The following FAT3 variants were observed in gnomAD, a reference collection of about 807,000 sequenced individuals.
The protein encoded by FAT3 is FAT atypical cadherin 3.
FAT3 carries 95 observed loss-of-function variants against 310.2 expected under a neutral mutation model. The observed-to-expected ratio is 0.31, with a 90% CI of 0.26 to 0.36. The LOEUF is 0.36. Among genes scored for constraint, FAT3 ranks in the 10% least tolerant of loss-of-function variants. The probability of loss-of-function intolerance (pLI) is 1.00; values close to 1 mark genes in which losing one functional copy is unlikely to be tolerated. For synonymous variants in FAT3, 2,314 were observed against 2,192.9 expected (o/e 1.06, Z -1.54); for missense variants, 5,408 against 5,715.6 (o/e 0.95, Z 1.74).
intron 4 of FAT3, among the ~76,000 whole-genome samples, chr11:92,719,842 C>T (rs1417621441): frequency 6.6e-6 from 1 of 151,420 alleles, no homozygotes; most frequent in Non-Finnish European, 1.5e-5. Flanking sequence ...TAAATGGATG[C>T]TTGCACACTG....
chr11:92,520,430 A>G (rs767067082), intron 2 of FAT3, among the ~76,000 whole-genome samples: 3 of 152,076 alleles, frequency 2.0e-5, no homozygotes, highest in Non-Finnish European at 4.4e-5. Context: ...GTTTCATGAA[A>G]ATCAAAACTT....
chr11:92,623,537 A>G (rs1941186122), intron 3 of FAT3, among the ~76,000 whole-genome samples: 1 of 152,352 alleles, frequency 6.6e-6, no homozygotes, highest in South Asian at 2.1e-4. Flanking sequence ...ATGTTATATG[A>G]AAGCAAGATA....
intron 4 of FAT3, among the ~76,000 whole-genome samples, chr11:92,755,314 C>T (rs1232706031): frequency 6.6e-6 from 1 of 152,138 alleles, no homozygotes; most frequent in African/African-American, 2.4e-5. Context: ...CCACTGCCTC[C>T]TGGGTTCAAG....
chr11:92,315,477 GTGTATATATA>G (rs1342125703), intron 1 of FAT3, among the ~76,000 whole-genome samples: 218 of 81,526 alleles, frequency 2.7e-3, no homozygotes, highest in African/African-American at 6.0e-3. Context: ...GTGTGTGTGT[GTGTATATATA>G]TATATATATA....
At chr11:92,790,296 A>G (rs1947007244) in intron 8 of FAT3, 78 bp downstream of exon 8, 37 of 1,426,936 alleles carry the variant, frequency 2.6e-5, no homozygotes, top group Non-Finnish European at 3.3e-5. Flanking sequence ...TCAGAAGTAT[A>G]GGGCCCCTAA....
At chr11:92,758,762 G>A (rs970585591) in intron 4 of FAT3, among the ~76,000 whole-genome samples, 7 of 152,310 alleles carry the variant, frequency 4.6e-5, no homozygotes, top group African/African-American at 1.7e-4. Context: ...ATAGGGCAGT[G>A]TGACAGAAGA....
At chr11:92,363,214 C>T (rs1948924930) in intron 2 of FAT3, among the ~76,000 whole-genome samples, 1 of 152,144 alleles carries the variant, frequency 6.6e-6, no homozygotes, top group Non-Finnish European at 1.5e-5. Flanking sequence ...AAGAACTGTT[C>T]ACTAGCTGCC....
chr11:92,381,380 G>A (rs149231996), intron 2 of FAT3, among the ~76,000 whole-genome samples: 92 of 152,246 alleles, frequency 6.0e-4, no homozygotes, highest in African/African-American at 2.1e-3. Flanking sequence ...GGGTATGGTG[G>A]CATATACCTG....
rs529142723 is a variant in FAT3, at chr11:92,831,902, A to G, written c.9762A>G (p.Gln3254=). The change falls in exon 14 of 28, where the codon CAA becomes CAG. Residue 3254 remains glutamine (Q), a synonymous_variant. Coordinates refer to ENST00000525166, the MANE Select transcript of FAT3 (RefSeq NM_001367949.2). ...CTGAGGACACCTCCCCTGGCACCCA[A>G]GTCCTTGCTGTTTTTGCCACCAGCA... ...TVPEDTSPGT[Q]VLAVFATSKD... 1 of 1,611,856 alleles carries G rather than the reference A, an allele frequency of 6.2e-7. No individual in the cohort carries two copies. Among genetic ancestry groups the G allele is most frequent in the South Asian group, 1.1e-5 (1 of 90,458 alleles).
chr11:92,577,111 A>G (rs502756), intron 3 of FAT3, among the ~76,000 whole-genome samples: 112,608 of 151,692 alleles, frequency 0.74, 44,031 homozygotes, highest in Non-Finnish European at 0.88. Flanking sequence ...TTTTATTTTT[A>G]TTTATTTATT....
At position 92,558,355 on chromosome 11, in the gene FAT3, G is replaced by A. The variant is rs1955094657; in HGVS notation, c.3607+33407G>A. Among the ~76,000 whole-genome samples the A allele has an allele frequency of 2.6e-5, 4 of 151,812 alleles. No individual in the cohort carries two copies. In the South Asian group the frequency reaches 8.3e-4, roughly 31 times the overall value. ...TTTTCAAGTGGTCTCAGAAGCCAAA[G>A]TGTGAGTGTGGTATGTGATAGATTC... On this transcript the variant is annotated intron_variant, in intron 3 of 27. Coordinates refer to ENST00000525166, the MANE Select transcript of FAT3 (RefSeq NM_001367949.2).
intron 13 of FAT3, among the ~76,000 whole-genome samples, chr11:92,822,304 G>A (rs1488159271): frequency 6.6e-6 from 1 of 151,142 alleles, no homozygotes; most frequent in South Asian, 2.1e-4. Context: ...ATTTGTAGAC[G>A]CCACAGGTTG....
chr11:92,616,048 C>T (rs1940788696), intron 3 of FAT3, among the ~76,000 whole-genome samples: 1 of 152,114 alleles, frequency 6.6e-6, no homozygotes, highest in African/African-American at 2.4e-5. Flanking sequence ...CTTTCTGTCT[C>T]ATTGATCTGT....
At chr11:92,345,034 T>C (rs1271148937) in intron 1 of FAT3, among the ~76,000 whole-genome samples, 2 of 152,154 alleles carry the variant, frequency 1.3e-5, no homozygotes, top group Non-Finnish European at 2.9e-5. Context: ...AACTAGTGTT[T>C]CCTAAAGAGT....
intron 3 of FAT3, among the ~76,000 whole-genome samples, chr11:92,642,033 T>C (rs1941983063): frequency 6.6e-6 from 1 of 152,238 alleles, no homozygotes; most frequent in South Asian, 2.1e-4. Context: ...TGATCCAACC[T>C]GGACCACATG....
chr11:92,374,342 G>T (rs912072997), intron 2 of FAT3, among the ~76,000 whole-genome samples: 1 of 152,286 alleles, frequency 6.6e-6, no homozygotes, highest in East Asian at 1.9e-4. Context: ...TGTTTTCCTT[G>T]ATTATTATCA....
At position 92,614,370 on chromosome 11, in the gene FAT3, G is replaced by A. The variant is rs1385070889; in HGVS notation, c.3608-83014G>A. Among the ~76,000 whole-genome samples the A allele has an allele frequency of 7.9e-5, 12 of 152,180 alleles. 1 individual carries two copies. In the South Asian group the frequency reaches 8.3e-4, roughly 11 times the overall value. ...GACCTTCTTGCATTTCCTGAGCAAT[G>A]TACGAGGGTTCCATTTCCCAACATT... On this transcript the variant is annotated intron_variant, in intron 3 of 27. Transcript: ENST00000525166.
chr11:92,452,243 T>G (rs1951373297), intron 2 of FAT3, among the ~76,000 whole-genome samples: 1 of 152,210 alleles, frequency 6.6e-6, no homozygotes, highest in African/African-American at 2.4e-5. Context: ...TTCTGGACTC[T>G]GATTCTGGCC....
In FAT3 at chr11:92,413,688, A is replaced by G. The variant is rs571171571; in HGVS notation, c.3292+58284A>G. Among the ~76,000 whole-genome samples the G allele has an allele frequency of 3.9e-5, 6 of 152,378 alleles. No individual in the cohort carries two copies. The South Asian group carries it at 1.2e-3, about 32-fold the overall frequency. On this transcript the variant is annotated intron_variant, in intron 2 of 27. Coordinates refer to ENST00000525166, the MANE Select transcript of FAT3 (RefSeq NM_001367949.2). ...GCTTTCCCTGCTTGAACGACAAGCCATAAAAAAGGAAATAGTATCGGGGTG... is the reference window on the plus strand; with the variant it reads ...GCTTTCCCTGCTTGAACGACAAGCCGTAAAAAAGGAAATAGTATCGGGGTG...
Sources: gnomAD v4.1 joint callset for allele counts (sites outside exome capture counted in the v4.1 genomes callset) on GRCh38, gnomAD v4.1.1 for gene constraint, MANE v1.5 for transcripts, NCBI Gene and HGNC (gene_info 2026-07-23, HGNC 2026-07-21) for gene names.